Variants in RBFOX1 observed in about 807,000 individuals in gnomAD.
RBFOX1 encodes the protein RNA binding protein fox-1 homolog 1.
RBFOX1 carries 8 observed loss-of-function variants against 57.7 expected under a neutral mutation model. The ratio of observed to expected loss-of-function variants is 0.14; its 90% confidence interval spans 0.08 to 0.25. The LOEUF is 0.25. Among genes scored for constraint, RBFOX1 ranks in the 10% least tolerant of loss-of-function variants. RBFOX1 has a pLI of 1.00. For missense variants in RBFOX1, 611 were observed against 548.5 expected (o/e 1.11, Z -1.14); for synonymous variants, 326 against 222.4 (o/e 1.47, Z -4.15).
intron 11 of RBFOX1, among the ~76,000 whole-genome samples, chr16:7,636,464 T>A (rs2142999671): frequency 6.6e-6 from 1 of 152,354 alleles, no homozygotes; most frequent in Middle Eastern, 3.4e-3. Flanking sequence ...TTTACTAGGA[T>A]AACCTATGAA....
chr16:7,695,826 GA>G (rs370589359), intron 14 of RBFOX1, among the ~76,000 whole-genome samples: 20 of 151,438 alleles, frequency 1.3e-4, no homozygotes, highest in African/African-American at 3.4e-4. Context: ...TTTAAATGGA[GA>G]AAAAAAAATC....
chr16:7,195,547 G>GTATT (rs1046512997), intron 4 of RBFOX1, among the ~76,000 whole-genome samples: 4 of 152,056 alleles, frequency 2.6e-5, no homozygotes, highest in African/African-American at 7.2e-5. Context: ...CTTTATTTAT[G>GTATT]TATTTATTTA....
intron 3 of RBFOX1, among the ~76,000 whole-genome samples, chr16:7,023,564 TAAAAAAAAAAAAA>T (rs34056673): frequency 6.8e-5 from 3 of 43,916 alleles, no homozygotes; most frequent in East Asian, 9.4e-4. Context: ...TCGTCTGTAC[TAAAAAAAAAAAAA>T]AAAAAAAAAA....
chr16:7,333,140 A>C, intron 4 of RBFOX1: 3 of 1,532,126 alleles, frequency 2.0e-6, no homozygotes, highest in South Asian at 2.2e-5. Context: ...TGCTCAGAGT[A>C]ATAATTGGAA....
chr16:6,839,471 C>G (rs958450717), intron 3 of RBFOX1, among the ~76,000 whole-genome samples: 3 of 152,166 alleles, frequency 2.0e-5, no homozygotes, highest in Non-Finnish European at 4.4e-5. Context: ...CTGAACAGCT[C>G]TGGGCACAAA....
intron 2 of RBFOX1, among the ~76,000 whole-genome samples, chr16:5,470,955 G>A (rs1440060526): frequency 6.6e-6 from 1 of 152,112 alleles, no homozygotes; most frequent in Non-Finnish European, 1.5e-5. Flanking sequence ...GGGTTCAAGC[G>A]ATTCTACTGC....
intron 3 of RBFOX1, among the ~76,000 whole-genome samples, chr16:6,802,664 G>T (rs1318415563): frequency 6.6e-6 from 1 of 152,140 alleles, no homozygotes; most frequent in African/African-American, 2.4e-5. Flanking sequence ...GTGGCAGTGA[G>T]ACTCCGTCTC....
chr16:5,806,703 G>T (rs576872607), intron 3 of RBFOX1, among the ~76,000 whole-genome samples: 3 of 152,350 alleles, frequency 2.0e-5, no homozygotes, highest in African/African-American at 7.2e-5. Context: ...ACTGTCATCA[G>T]TGGGAAAGAC....
chr16:7,062,005 C>T (rs1598437038), intron 4 of RBFOX1, among the ~76,000 whole-genome samples: 1 of 152,180 alleles, frequency 6.6e-6, no homozygotes, highest in East Asian at 1.9e-4. Context: ...TGCAGACAAA[C>T]CTGAGATGGT....
At chr16:5,341,906 A>C (rs2065040945) in intron 1 of RBFOX1, among the ~76,000 whole-genome samples, 1 of 152,156 alleles carries the variant, frequency 6.6e-6, no homozygotes. Flanking sequence ...TCAGACGGGA[A>C]GCCTCCCTGC....
At chr16:7,142,612 C>T (rs2074065214) in intron 4 of RBFOX1, among the ~76,000 whole-genome samples, 1 of 152,182 alleles carries the variant, frequency 6.6e-6, no homozygotes, top group Non-Finnish European at 1.5e-5. Flanking sequence ...CTTATCTACT[C>T]ATCTTCTGGA....
chr16:7,383,457 C>G (rs905787786), intron 4 of RBFOX1, among the ~76,000 whole-genome samples: 4 of 152,000 alleles, frequency 2.6e-5, no homozygotes, highest in African/African-American at 9.7e-5. Flanking sequence ...CTTGAATTAT[C>G]TGAGTTTTAG....
At chr16:6,670,633 A>G (rs2098758177) in intron 3 of RBFOX1, among the ~76,000 whole-genome samples, 1 of 152,178 alleles carries the variant, frequency 6.6e-6, no homozygotes, top group Non-Finnish European at 1.5e-5. Flanking sequence ...ATCTCTATCT[A>G]CTAAAATTAG....
At chr16:7,103,093 CTG>C (rs1311315203) in intron 4 of RBFOX1, among the ~76,000 whole-genome samples, 3 of 151,084 alleles carry the variant, frequency 2.0e-5, no homozygotes, top group African/African-American at 7.3e-5. Flanking sequence ...ATGCAACACT[CTG>C]TTTCTGAAAA....
intron 3 of RBFOX1, among the ~76,000 whole-genome samples, chr16:6,843,614 A>G (rs2093608023): frequency 1.3e-5 from 2 of 152,298 alleles, no homozygotes; most frequent in South Asian, 2.1e-4. Context: ...GCATGAACCC[A>G]GGAGGTGGAG....
intron 1 of RBFOX1, among the ~76,000 whole-genome samples, chr16:6,139,205 T>A (rs2152695411): frequency 6.6e-6 from 1 of 152,224 alleles, no homozygotes; most frequent in South Asian, 2.1e-4. Flanking sequence ...TCCAAGGACA[T>A]CCCCTCTCTG....
chr16:7,706,641 CATCACTTAACA>C (rs1394643746), intron 14 of RBFOX1, among the ~76,000 whole-genome samples: 1 of 152,180 alleles, frequency 6.6e-6, no homozygotes, highest in East Asian at 1.9e-4. Flanking sequence ...CTTGCCATAA[CATCACTTAACA>C]AACTCTCAAG....
chr16:6,323,847 A>C (rs1181300398), intron 2 of RBFOX1, among the ~76,000 whole-genome samples: 2 of 151,776 alleles, frequency 1.3e-5, no homozygotes, highest in East Asian at 3.9e-4. Context: ...ATATCTGCTC[A>C]CTGCAACCTA....
chr16:7,483,075 A>G (rs950483819), intron 4 of RBFOX1, among the ~76,000 whole-genome samples: 16 of 152,092 alleles, frequency 1.1e-4, no homozygotes, highest in African/African-American at 3.9e-4. Flanking sequence ...TCGTCACTAA[A>G]AGGTGCTACC....
Sources: allele counts gnomAD v4.1 joint callset (sites outside exome capture counted in the v4.1 genomes callset), GRCh38; gene constraint gnomAD v4.1.1; transcripts MANE v1.5; gene names NCBI Gene and HGNC (gene_info 2026-07-23, HGNC 2026-07-21).